ZNF469: variants seen among roughly 807,000 people sequenced by gnomAD.
ZNF469 encodes zinc finger protein 469.
ZNF469 carries 1 observed loss-of-function variant against 1.0 expected under a neutral mutation model. The observed-to-expected ratio is 1.00, with a 90% confidence interval of 0.35 to 4.73. The LOEUF (loss-of-function observed/expected upper bound fraction) is 4.73. ZNF469 is among the 30% of genes most tolerant of loss of function. The probability of loss-of-function intolerance (pLI) is 0.16; values close to 1 mark genes in which losing one functional copy is unlikely to be tolerated. For synonymous variants in ZNF469, 2,703 were observed against 2,363.4 expected (o/e 1.14, Z -4.17); for missense variants, 6,100 against 5,356.3 (o/e 1.14, Z -4.33).
intron 2 of ZNF469, among the ~76,000 whole-genome samples, 146 bp downstream of exon 2, chr16:88,425,017 A>T (rs1418314539): frequency 1.3e-5 from 2 of 150,320 alleles, no homozygotes; most frequent in Non-Finnish European, 3.0e-5. Flanking sequence ...CCGAGAGCCG[A>T]CTCCTGGGGC....
At chr16:88,267,254 C>T in the ZNF469 span, among the ~76,000 whole-genome samples, 1 of 152,130 alleles carries the variant, frequency 6.6e-6, no homozygotes, top group Non-Finnish European at 1.5e-5. Context: ...TGCCATGGAG[C>T]CCCGCCTCCA....
chr16:88,294,575 A>G, the ZNF469 span: 4 of 152,222 alleles, frequency 2.6e-5, no homozygotes, highest in African/African-American at 9.6e-5. Context: ...GAAAGAGGCC[A>G]TCTCATCTGA....
chr16:88,199,682 G>T, the ZNF469 span, among the ~76,000 whole-genome samples: 1 of 152,350 alleles, frequency 6.6e-6, no homozygotes, highest in Middle Eastern at 3.4e-3. Context: ...TGTGGGGACT[G>T]GGGAGGGGAC....
At chr16:88,115,841 G>C in the ZNF469 span, among the ~76,000 whole-genome samples, 1 of 152,198 alleles carries the variant, frequency 6.6e-6, no homozygotes, top group Non-Finnish European at 1.5e-5. Context: ...CCAGCTCCTG[G>C]GCACTCCAGG....
At chr16:88,349,595 C>T in the ZNF469 span, among the ~76,000 whole-genome samples, 36 of 150,678 alleles carry the variant, frequency 2.4e-4, no homozygotes, top group African/African-American at 8.8e-4. Context: ...ACACACACCA[C>T]ACAAGTACAC....
chr16:88,232,357 C>T, the ZNF469 span, among the ~76,000 whole-genome samples: 2 of 152,150 alleles, frequency 1.3e-5, no homozygotes, highest in Non-Finnish European at 2.9e-5. Flanking sequence ...ATGAGAGAGA[C>T]ACCACTTTGG....
chr16:88,292,406 A>C, the ZNF469 span, among the ~76,000 whole-genome samples: 17 of 152,282 alleles, frequency 1.1e-4, no homozygotes, highest in African/African-American at 3.6e-4. Context: ...GTAATTTTGC[A>C]TCTATAGGCC....
intron 1 of ZNF469, among the ~76,000 whole-genome samples, chr16:88,387,726 C>A (rs1452223998): frequency 6.6e-6 from 1 of 152,192 alleles, no homozygotes; most frequent in South Asian, 2.1e-4. Flanking sequence ...GAAGGCTCAG[C>A]GTGTGTGGGG....
the ZNF469 span, among the ~76,000 whole-genome samples, chr16:88,161,700 C>G: frequency 1.3e-5 from 2 of 152,010 alleles, no homozygotes; most frequent in Non-Finnish European, 2.9e-5. Context: ...CAGAAAACAT[C>G]AGTTTTGTAA....
At chr16:88,149,752 CT>C in the ZNF469 span, among the ~76,000 whole-genome samples, 309 of 152,280 alleles carry the variant, frequency 2.0e-3, 2 homozygotes, top group African/African-American at 7.0e-3. Flanking sequence ...AGCTTTACCC[CT>C]GACACGTGCT....
At chr16:88,228,918 C>A in the ZNF469 span, among the ~76,000 whole-genome samples, 1 of 152,172 alleles carries the variant, frequency 6.6e-6, no homozygotes, top group Admixed American at 6.5e-5. Context: ...GGGGGCTCAG[C>A]AGCAGCATCG....
the ZNF469 span, among the ~76,000 whole-genome samples, chr16:88,193,036 A>ATGG: frequency 2.1e-4 from 9 of 43,116 alleles, no homozygotes; most frequent in African/African-American, 1.9e-4. Flanking sequence ...GATGGTGGTG[A>ATGG]TGGTGGTGGT....
the ZNF469 span, among the ~76,000 whole-genome samples, chr16:88,104,462 GGC>G: frequency 6.6e-6 from 1 of 151,860 alleles, no homozygotes; most frequent in African/African-American, 2.4e-5. Context: ...GCCTCTTGCC[GGC>G]CCCTTTCATT....
chr16:88,348,292 C>T, the ZNF469 span, among the ~76,000 whole-genome samples: 8 of 152,208 alleles, frequency 5.3e-5, no homozygotes, highest in African/African-American at 1.9e-4. Flanking sequence ...CTGTCCCTGC[C>T]TCTGGCTTCA....
chr16:88,197,662 C>A, the ZNF469 span, among the ~76,000 whole-genome samples: 2 of 152,220 alleles, frequency 1.3e-5, no homozygotes, highest in African/African-American at 4.8e-5. Flanking sequence ...GACAGCCACC[C>A]AGTACGATGG....
chr16:88,431,827 T>C lies in ZNF469; in HGVS notation c.4357T>C (p.Ser1453Pro). Residue 1453 changes from serine to proline, a missense_variant, in exon 3 of 3, where the codon TCA becomes CCA. Physicochemically the swap from Ser to Pro is moderately conservative, Grantham distance 74. Coordinates refer to ENST00000565624, the MANE Select transcript of ZNF469 (RefSeq NM_001367624.2). ...TGCATCGCCACCGACCTTGGAGTCC[T>C]CATCCCTCTTCCCAGACCTGCCGGT... The part of the protein sequence containing the change: ...RAASPPTLES[S>P]SLFPDLPVDR... The C allele has an allele frequency of 6.5e-7, 1 of 1,549,772 alleles. No individual in the cohort carries two copies.
the ZNF469 span, among the ~76,000 whole-genome samples, chr16:88,114,544 A>G: frequency 1.3e-5 from 2 of 152,182 alleles, no homozygotes; most frequent in Admixed American, 6.5e-5. Context: ...TGGATCAGGG[A>G]ACGCGCGGTG....
the ZNF469 span, among the ~76,000 whole-genome samples, chr16:88,211,000 G>C: frequency 6.6e-6 from 1 of 152,254 alleles, no homozygotes; most frequent in Non-Finnish European, 1.5e-5. Flanking sequence ...CAGGAGAACC[G>C]ATGCCTTCGG....
In ZNF469 at chr16:88,430,757, C is replaced by G. The variant is rs1164824108; in HGVS notation, c.3287C>G (p.Ser1096Trp). The part of the protein sequence containing the change: ...DRRLREYDFA[S>W]ESEEDEQPPP... ...AGGCTCCGCGAGTACGACTTCGCCT[C>G]GGAGTCCGAGGAGGACGAGCAGCCT... Residue 1096 changes from serine to tryptophan, a missense_variant, in exon 3 of 3, where the codon TCG (serine) becomes TGG (tryptophan). Physicochemically the swap from Ser to Trp is radical, Grantham distance 177 (BLOSUM62 -3). Coordinates refer to ENST00000565624, the MANE Select transcript of ZNF469 (RefSeq NM_001367624.2). 6.6e-7 allele frequency: 1 copy of G among 1,509,516 alleles called. No individual in the cohort carries two copies. Among genetic ancestry groups the G allele is most frequent in the East Asian group, 2.5e-5 (1 of 39,594 alleles). The allele number at this position is 1,509,516 out of a possible 1,614,324, so 93.5% of individuals were successfully genotyped here.
Sources: allele counts gnomAD v4.1 joint callset (sites outside exome capture counted in the v4.1 genomes callset), GRCh38; gene constraint gnomAD v4.1.1; transcripts MANE v1.5; gene names NCBI Gene and HGNC (gene_info 2026-07-23, HGNC 2026-07-21).